Variants in ZNF282 observed in about 807,000 individuals in gnomAD.
The protein encoded by ZNF282 is HTLV-I U5 repressive element-binding protein 1.
ZNF282 carries 30 observed loss-of-function variants against 61.9 expected under a neutral mutation model. That is an observed-to-expected ratio of 0.48 (90% CI 0.36 to 0.66). The LOEUF is 0.66. Ranked by LOEUF, ZNF282 falls within the 30% of genes least tolerant of loss-of-function variation. ZNF282 has a pLI of 0.00. For missense variants in ZNF282, 788 were observed against 941.4 expected, an observed-to-expected ratio of 0.84 and a Z score of 2.13; for synonymous variants, 396 against 405.0, an observed-to-expected ratio of 0.98 and a Z score of 0.27.
intron 2 of ZNF282, 146 bp from the exon 3 acceptor site, chr7:149,206,550 C>T: frequency 8.7e-7 from 1 of 1,154,866 alleles, no homozygotes. Flanking sequence ...AGGACTGACT[C>T]CACTGAGATG....
At chr7:149,223,517 G>T (rs891107221) in intron 7 of ZNF282, among the ~76,000 whole-genome samples, 1 of 152,162 alleles carries the variant, frequency 6.6e-6, no homozygotes, top group African/African-American at 2.4e-5. Context: ...GGGAAATTCT[G>T]CCTTCCAAAA....
intron 1 of ZNF282, among the ~76,000 whole-genome samples, chr7:149,196,809 G>A (rs912359575): frequency 2.0e-5 from 3 of 152,138 alleles, no homozygotes; most frequent in African/African-American, 7.2e-5. Flanking sequence ...ACCTCTTACT[G>A]GTATTACAGG....
rs183322013 is a variant in ZNF282 at position 149,212,378 on chromosome 7, G to A, written c.973G>A (p.Asp325Asn). ...AGTAGACTCCCCAATTTCTGCCCAGGACCTCTTGTCCCGGATTAAACAGGA... is the reference window on the plus strand; with the variant it reads ...AGTAGACTCCCCAATTTCTGCCCAGAACCTCTTGTCCCGGATTAAACAGGA... ...SITDSPISAQ[D>N]LLSRIKQEEH... Residue 325 changes from aspartate to asparagine, a missense_variant, in exon 6 of 8, where the codon GAC (aspartate) becomes AAC (asparagine). Asp to Asn is a conservative substitution (Grantham distance 23). Transcript: ENST00000610704. The A allele has an allele frequency of 6.2e-7, 1 of 1,611,696 alleles. No homozygotes were observed. Among genetic ancestry groups the A allele is most frequent in the East Asian group, 2.2e-5 (1 of 44,682 alleles).
At chr7:149,222,126 G>A (rs1029144923) in intron 7 of ZNF282, among the ~76,000 whole-genome samples, 1 of 152,180 alleles carries the variant, frequency 6.6e-6, no homozygotes, top group Non-Finnish European at 1.5e-5. Context: ...CCATTCTGAT[G>A]CTCAGAGCCT....
In ZNF282 at chr7:149,224,998, A is replaced by T; in HGVS notation, c.*351A>T. ...TCCCGAAGCCCTTCTGAGATCAGGA[A>T]ATCAGGTCCCAAGGTTAGGAGACGC... On this transcript the variant is annotated 3_prime_UTR_variant, in exon 8 of 8. Coordinates refer to ENST00000610704, the MANE Select transcript of ZNF282 (RefSeq NM_003575.4). 1 of 302,508 alleles carries T rather than the reference A, an allele frequency of 3.3e-6. No homozygotes were observed. Among genetic ancestry groups the T allele is most frequent in the Non-Finnish European group, 6.2e-6 (1 of 162,016 alleles). 18.7% of individuals were successfully genotyped at this position (302,508 alleles called of 1,614,324 possible).
intron 1 of ZNF282, among the ~76,000 whole-genome samples, chr7:149,197,610 T>A (rs1795839666): frequency 6.6e-6 from 1 of 152,186 alleles, no homozygotes; most frequent in African/African-American, 2.4e-5. Flanking sequence ...GTAGCTGGGA[T>A]TACAGGAGCC....
chr7:149,219,170 A>G (rs895851048), intron 7 of ZNF282, among the ~76,000 whole-genome samples: 1 of 152,130 alleles, frequency 6.6e-6, no homozygotes, highest in African/African-American at 2.4e-5. Context: ...TCTTTTCAGC[A>G]TGGCAGCCCC....
At chr7:149,207,195 C>T (rs931143835) in intron 3 of ZNF282, among the ~76,000 whole-genome samples, 156 bp from the exon 4 acceptor site, 2 of 57,386 alleles carry the variant, frequency 3.5e-5, no homozygotes, top group South Asian at 2.4e-3. Flanking sequence ...TCTATCGACT[C>T]GTTTTCAGAT....
At position 149,207,381 on chromosome 7, in the gene ZNF282, C is replaced by T. The variant is rs753338478; in HGVS notation, c.743C>T (p.Ala248Val). Residue 248 changes from alanine to valine, a missense_variant, in exon 4 of 8, where the codon GCT (alanine) becomes GTT (valine). Physicochemically the swap from Ala to Val is moderately conservative, Grantham distance 64. This residue lies in a region of ZNF282 where 559 missense variants were observed against 642.0 expected (regional missense o/e 0.87). Coordinates refer to ENST00000610704, the MANE Select transcript of ZNF282 (RefSeq NM_003575.4). ...GAGGGCTCAGTCCCCAAGCCAGATG[C>T]TCCAGTCCAGGCTGAGCCCAGGGAA... ...DAEGSVPKPD[A>V]PVQAEPREEP... The T allele has an allele frequency of 2.1e-5, 33 of 1,584,932 alleles. 1 individual carries two copies. The highest frequency in any genetic ancestry group is 9.2e-5 in the South Asian group (8 of 87,180).
chr7:149,211,593 G>A (rs762134887), intron 5 of ZNF282, among the ~76,000 whole-genome samples: 3 of 152,248 alleles, frequency 2.0e-5, no homozygotes, highest in Non-Finnish European at 4.4e-5. Flanking sequence ...TCTGGGTACC[G>A]TGGCCGAGCC....
In ZNF282 at chr7:149,224,485, C is replaced by A; in HGVS notation, c.1854C>A (p.Leu618=). 6.2e-7 allele frequency: 1 copy of A among 1,612,736 alleles called. No individual in the cohort carries two copies. Residue 618 remains leucine, a synonymous_variant, in exon 8 of 8, where the codon CTC becomes CTA. Transcript: ENST00000610704. ...GKSFIRKQNL[L]KHQRIHTGER... is the part of the protein sequence containing the mutation. Reference sequence around the variant, plus strand: ...GCTTCATCCGCAAGCAGAACCTGCTCAAGCACCAGCGCATCCACACGGGCG... The same window carrying A: ...GCTTCATCCGCAAGCAGAACCTGCTAAAGCACCAGCGCATCCACACGGGCG...
At chr7:149,214,619 C>T (rs118103215) in intron 7 of ZNF282, among the ~76,000 whole-genome samples, 1,626 of 152,164 alleles carry the variant, frequency 0.011, 15 homozygotes, top group Admixed American at 0.018. Flanking sequence ...CTCTTGAGCT[C>T]AGGAGTTTGA....
Position 149,205,585 on chromosome 7 carries a change from G to A in ZNF282, c.586-1111G>A, listed in dbSNP as rs536413091. Among the ~76,000 whole-genome samples the A allele has an allele frequency of 3.9e-5, 6 of 152,200 alleles. No individual in the cohort carries two copies. In the South Asian group the frequency reaches 6.2e-4, roughly 16 times the overall value. On this transcript the variant is annotated intron_variant, in intron 2 of 7. Coordinates refer to ENST00000610704, the MANE Select transcript of ZNF282 (RefSeq NM_003575.4). ...AAGATGGACAGTGAGTTGTCAGTCC[G>A]TAGGGGTGGGGCCATGGCACTGAGG...
chr7:149,221,423 A>G (rs530776698), intron 7 of ZNF282, among the ~76,000 whole-genome samples: 16 of 152,348 alleles, frequency 1.1e-4, no homozygotes, highest in African/African-American at 3.4e-4. Flanking sequence ...TGAGGTTCAC[A>G]CTGGGTTGGA....
At chr7:149,212,211 A>G (rs1387133061) in intron 5 of ZNF282, 147 bp from the exon 6 acceptor site, 8 of 564,284 alleles carry the variant, frequency 1.4e-5, no homozygotes, top group South Asian at 1.1e-4. Flanking sequence ...AGCTGACTTC[A>G]ACCTTTAGTT....
In ZNF282 at chr7:149,214,887, C is replaced by A. The variant is rs1296271745; in HGVS notation, c.1180+1073C>A. Among the ~76,000 whole-genome samples the A allele has an allele frequency of 2.6e-5, 4 of 152,282 alleles. No individual in the cohort carries two copies. The East Asian group carries it at 7.7e-4, about 29-fold the overall frequency. On this transcript the variant is annotated intron_variant, in intron 7 of 7. Transcript: ENST00000610704. ...TAGAAGTACCCCAGGCATCCCTGAG[C>A]TACCATCCCGGAGTCACTGATGAAC...
chr7:149,209,293 G>T (rs1343910964), intron 4 of ZNF282, among the ~76,000 whole-genome samples: 1 of 151,622 alleles, frequency 6.6e-6, no homozygotes, highest in African/African-American at 2.4e-5. Flanking sequence ...CTGCACTCCA[G>T]CCTGGGAGAC....
At chr7:149,197,379 G>A (rs890063255) in intron 1 of ZNF282, among the ~76,000 whole-genome samples, 1 of 152,240 alleles carries the variant, frequency 6.6e-6, no homozygotes, top group Non-Finnish European at 1.5e-5. Flanking sequence ...AACAGTAGTT[G>A]TATATGGGGG....
At chr7:149,217,366 G>A (rs774991980) in intron 7 of ZNF282, among the ~76,000 whole-genome samples, 3 of 151,992 alleles carry the variant, frequency 2.0e-5, no homozygotes, top group Non-Finnish European at 2.9e-5. Context: ...GTGAAACTCC[G>A]TCTCTACTAA....
Sources: allele counts gnomAD v4.1 joint callset (sites outside exome capture counted in the v4.1 genomes callset), GRCh38; gene constraint gnomAD v4.1.1; regional missense constraint gnomAD v4.1.1; transcripts MANE v1.5; gene names NCBI Gene and HGNC (gene_info 2026-07-23, HGNC 2026-07-21).